CPEB1: variants seen among roughly 807,000 people sequenced by gnomAD.
CPEB1 encodes the protein cytoplasmic polyadenylation element binding protein 1, also known as cytoplasmic polyadenylation element-binding protein 1.
In CPEB1, 7 loss-of-function variants were observed where a neutral mutation model predicts 65.8. The ratio of observed to expected loss-of-function variants is 0.11; its 90% CI spans 0.06 to 0.20. The LOEUF (loss-of-function observed/expected upper bound fraction) is 0.20. Among genes scored for constraint, CPEB1 ranks in the 10% least tolerant of loss-of-function variants. The pLI is 1.00. For missense variants in CPEB1, 551 were observed against 712.2 expected (o/e 0.77, Z 2.58); for synonymous variants, 262 against 260.0 (o/e 1.01, Z -0.08).
At chr15:82,560,693 T>C (rs931393871) in intron 4 of CPEB1, among the ~76,000 whole-genome samples, 2 of 152,332 alleles carry the variant, frequency 1.3e-5, no homozygotes, top group Admixed American at 1.3e-4. Flanking sequence ...GCACCCAGCT[T>C]GATTTTATCT....
intron 1 of CPEB1, among the ~76,000 whole-genome samples, chr15:82,646,825 C>T (rs768991102): frequency 1.3e-5 from 2 of 152,136 alleles, no homozygotes; most frequent in East Asian, 3.9e-4. Flanking sequence ...GTGAGGACCC[C>T]TTTGTGGGTG....
chr15:82,599,078 G>A (rs1035124093), intron 3 of CPEB1, among the ~76,000 whole-genome samples: 2 of 152,142 alleles, frequency 1.3e-5, no homozygotes, highest in Non-Finnish European at 2.9e-5. Context: ...GACCTTGGAA[G>A]TTAAAATTTG....
chr15:82,554,257 C>T (rs1008040789), intron 6 of CPEB1, among the ~76,000 whole-genome samples: 7 of 152,176 alleles, frequency 4.6e-5, no homozygotes, highest in African/African-American at 1.7e-4. Flanking sequence ...TAAAAATTTA[C>T]ACCCCATGTT....
intron 1 of CPEB1, chr15:82,633,262 A>T (rs2046403459): frequency 6.6e-6 from 1 of 152,246 alleles, no homozygotes; most frequent in African/African-American, 2.4e-5. Context: ...AAATTAATTT[A>T]AAAACAATTG....
intron 5 of CPEB1, 87 bp downstream of exon 5, chr15:82,557,672 GC>G: frequency 9.2e-7 from 1 of 1,089,232 alleles, no homozygotes; most frequent in Non-Finnish European, 1.4e-6. Context: ...CAGGGGACAG[GC>G]ATCCCATAGA....
chr15:82,564,269 A>G (rs2038739167), intron 4 of CPEB1, among the ~76,000 whole-genome samples: 1 of 151,204 alleles, frequency 6.6e-6, no homozygotes, highest in African/African-American at 2.4e-5. Context: ...TAAGGACACA[A>G]TGGTTTTTTT....
intron 4 of CPEB1, among the ~76,000 whole-genome samples, chr15:82,568,565 AG>A (rs2039522122): frequency 6.6e-6 from 1 of 152,212 alleles, no homozygotes. Context: ...ACTCTATCCC[AG>A]GGTCTTCTTG....
intron 4 of CPEB1, among the ~76,000 whole-genome samples, chr15:82,566,782 A>C (rs539410905): frequency 6.6e-6 from 1 of 152,222 alleles, no homozygotes; most frequent in Admixed American, 6.5e-5. Context: ...TCCTCTCTGC[A>C]CTGAAAGCTT....
At chr15:82,647,828 GC>G, upstream of CPEB1, 1 of 1,282,138 alleles carries the variant, frequency 7.8e-7, no homozygotes, top group Non-Finnish European at 9.8e-7. Flanking sequence ...ACGCGGCCCC[GC>G]CCAGGCGAGC....
upstream of CPEB1, chr15:82,647,452 G>A (rs2151417529): frequency 5.9e-6 from 1 of 169,604 alleles, no homozygotes; most frequent in Middle Eastern, 2.5e-3. Context: ...GGGGGCGTGA[G>A]CTTCCAGCGC....
chr15:82,550,353 G>A (rs1256139738), intron 9 of CPEB1, among the ~76,000 whole-genome samples: 6 of 152,244 alleles, frequency 3.9e-5, no homozygotes, highest in Admixed American at 1.3e-4. Context: ...GAAGAGATCT[G>A]AGGCAGAAAC....
rs1412054723 is a variant in CPEB1 at position 82,619,785 on chromosome 15, G to GTCTTTC, written c.271+7407_271+7408insGAAAGA. On this transcript the variant is annotated intron_variant, in intron 3 of 12. Transcript: ENST00000684509. ...TAAAATGAAAGACAATACAATTATT[G>GTCTTTC]ATGAGGATATGAAACAACCCAAACC... Among the ~76,000 whole-genome samples the GTCTTTC allele has an allele frequency of 7.2e-5, 11 of 152,142 alleles. No homozygotes were observed. The East Asian group carries it at 1.9e-3, about 27-fold the overall frequency.
At chr15:82,561,295 A>C (rs2038153764) in intron 4 of CPEB1, among the ~76,000 whole-genome samples, 1 of 152,220 alleles carries the variant, frequency 6.6e-6, no homozygotes, top group South Asian at 2.1e-4. Flanking sequence ...TGGGACAATG[A>C]GTAGGCTCTA....
intron 8 of CPEB1, 167 bp downstream of exon 8, chr15:82,553,300 T>C: frequency 3.2e-6 from 2 of 617,564 alleles, no homozygotes; most frequent in African/African-American, 1.8e-5. Context: ...CAGAGGGACA[T>C]GTTAGGTTGA....
chr15:82,546,178 C>T (rs368141436), intron 12 of CPEB1, among the ~76,000 whole-genome samples: 1 of 151,994 alleles, frequency 6.6e-6, no homozygotes, highest in Non-Finnish European at 1.5e-5. Context: ...GGCGTGATCT[C>T]GACTCACTGC....
chr15:82,544,545 A>ACCTG lies in CPEB1; in HGVS notation c.*43_*46dup. ...CAGGGTGGTGCAGGCTGCTTGCCTGACCTGCCAGCTTTGGGCGCCACAGGC... is the reference window on the plus strand; with the variant it reads ...CAGGGTGGTGCAGGCTGCTTGCCTGACCTGCCTGCCAGCTTTGGGCGCCACAGGC... On this transcript the variant is annotated 3_prime_UTR_variant, in exon 13 of 13. Transcript: ENST00000684509. 1 of 1,475,790 alleles carries ACCTG rather than the reference A, an allele frequency of 6.8e-7. No individual in the cohort carries two copies. Among genetic ancestry groups the ACCTG allele is most frequent in the Non-Finnish European group, 9.4e-7 (1 of 1,066,076 alleles). The allele number at this position is 1,475,790 out of a possible 1,614,324, so 91.4% of individuals were successfully genotyped here. A position where few individuals can be genotyped will look rare whatever the true frequency, so the allele number is the denominator to read the frequency against.
chr15:82,586,828 G>A (rs943799732), intron 3 of CPEB1, among the ~76,000 whole-genome samples: 1 of 152,290 alleles, frequency 6.6e-6, no homozygotes, highest in East Asian at 1.9e-4. Flanking sequence ...CCTAGCCTTT[G>A]TTAACATTTT....
rs551882865 is a variant in CPEB1, at chr15:82,582,469, T to G, written c.272-10937A>C. Among the ~76,000 whole-genome samples the G allele has an allele frequency of 1.1e-4, 17 of 152,252 alleles. No individual in the cohort carries two copies. The South Asian group carries it at 3.5e-3, about 32-fold the overall frequency. ...TCCTCGCCATCCCGTCTTTTTTTAC[T>G]AGAAAGCACACAAGGCTCAGAGATG... is the stretch of plus-strand genomic sequence containing the variant. On this transcript the variant is annotated intron_variant, in intron 3 of 12. Transcript: ENST00000684509.
intron 3 of CPEB1, among the ~76,000 whole-genome samples, chr15:82,576,711 T>G (rs1170181567): frequency 1.3e-5 from 2 of 152,190 alleles, no homozygotes; most frequent in Non-Finnish European, 2.9e-5. Context: ...CTGACTGAAC[T>G]AATTGATTTG....
Sources: gnomAD v4.1 joint callset for allele counts (sites outside exome capture counted in the v4.1 genomes callset) on GRCh38, gnomAD v4.1.1 for gene constraint, MANE v1.5 for transcripts, NCBI Gene and HGNC (gene_info 2026-07-23, HGNC 2026-07-21) for gene names.